The following HIVEP3 variants were observed in gnomAD, a reference collection of about 807,000 sequenced individuals.
The protein encoded by HIVEP3 is transcription factor HIVEP3.
HIVEP3 carries 49 observed loss-of-function variants against 152.8 expected under a neutral mutation model. That is an observed-to-expected ratio of 0.32 (90% CI 0.26 to 0.41). HIVEP3 has a LOEUF of 0.41. Ranked by LOEUF, HIVEP3 falls within the 10% of genes least tolerant of loss-of-function variation. The pLI, the probability that HIVEP3 is intolerant of heterozygous loss-of-function variation, is 1.00. For missense variants in HIVEP3, 2,790 were observed against 3,103.3 expected (o/e 0.90, Z 2.40); for synonymous variants, 1,269 against 1,289.0 (o/e 0.98, Z 0.33).
intron 3 of HIVEP3, among the ~76,000 whole-genome samples, chr1:41,587,313 A>G (rs573311421): frequency 1.3e-5 from 2 of 152,332 alleles, no homozygotes; most frequent in East Asian, 1.9e-4. Flanking sequence ...AGATTCTCCT[A>G]TGAGCAGTCA....
intron 1 of HIVEP3, among the ~76,000 whole-genome samples, chr1:42,029,240 T>C (rs1645599193): frequency 6.6e-6 from 1 of 152,148 alleles, no homozygotes; most frequent in African/African-American, 2.4e-5. Flanking sequence ...CAGTCCCCTT[T>C]CACAGCACCT....
rs1399539500 is a variant in HIVEP3, at chr1:41,524,853, A to T, written c.5265T>A (p.Val1755=). 4 of 1,614,194 alleles carry T rather than the reference A, an allele frequency of 2.5e-6. No individual in the cohort carries two copies. The Admixed American group carries it at 6.7e-5, about 27-fold the overall frequency. Residue 1755 remains valine, a synonymous_variant, in exon 6 of 9, where the codon GTT becomes GTA. Coordinates refer to ENST00000372583, the MANE Select transcript of HIVEP3 (RefSeq NM_024503.5). ...TGCAGCGAATTCCACACTCCTCACA[A>T]ACATATTTCCCTCGGCCGCGGCCTC... is the stretch of plus-strand genomic sequence containing the variant. ...YVRGRGRGKY[V]CEECGIRCKK... is the part of the protein sequence containing the mutation.
intron 1 of HIVEP3, among the ~76,000 whole-genome samples, chr1:41,840,071 T>C (rs984758870): frequency 2.6e-5 from 4 of 152,144 alleles, no homozygotes; most frequent in African/African-American, 4.8e-5. Context: ...CTAAACTGTT[T>C]GGGAATCCTG....
chr1:42,016,036 G>T (rs6695748), intron 1 of HIVEP3, among the ~76,000 whole-genome samples: 103,357 of 152,146 alleles, frequency 0.68, 35,756 homozygotes, highest in East Asian at 0.96. Flanking sequence ...GGCTAGTTAC[G>T]TGGGGCTGAA....
chr1:41,590,841 G>A (rs574441465), intron 3 of HIVEP3, among the ~76,000 whole-genome samples: 197 of 152,244 alleles, frequency 1.3e-3, no homozygotes, highest in African/African-American at 4.5e-3. Context: ...CATGCATGCG[G>A]CAACACAGCA....
intron 2 of HIVEP3, among the ~76,000 whole-genome samples, chr1:41,672,470 C>G (rs759503234): frequency 1.3e-5 from 2 of 152,338 alleles, no homozygotes; most frequent in East Asian, 1.9e-4. Flanking sequence ...TGCAGTCCCA[C>G]GTGCCTCTCC....
intron 1 of HIVEP3, among the ~76,000 whole-genome samples, chr1:41,743,563 G>C (rs12095621): frequency 0.064 from 9,699 of 152,232 alleles, 1,074 homozygotes; most frequent in African/African-American, 0.22. Flanking sequence ...GATGGTGGGG[G>C]AACAGCTGCC....
intron 3 of HIVEP3, among the ~76,000 whole-genome samples, chr1:41,621,726 C>G (rs1645050208): frequency 6.6e-6 from 1 of 152,142 alleles, no homozygotes; most frequent in Admixed American, 6.5e-5. Flanking sequence ...CTACCTTGCC[C>G]ATTCTAGTCT....
chr1:41,827,139 GGC>G (rs1642827724), intron 1 of HIVEP3, among the ~76,000 whole-genome samples: 1 of 152,182 alleles, frequency 6.6e-6, no homozygotes, highest in African/African-American at 2.4e-5. Context: ...GGCTGCTGAC[GGC>G]CATAATCAGG....
At chr1:42,035,647 G>T (rs1645638431) in intron 1 of HIVEP3, among the ~76,000 whole-genome samples, 2 of 151,964 alleles carry the variant, frequency 1.3e-5, no homozygotes, top group Non-Finnish European at 2.9e-5. Context: ...GGCGCCCGGA[G>T]GCGTTGGGGG....
chr1:41,622,744 C>T (rs772225783), intron 3 of HIVEP3, among the ~76,000 whole-genome samples: 6 of 152,152 alleles, frequency 3.9e-5, no homozygotes, highest in Non-Finnish European at 7.3e-5. Flanking sequence ...CTATCACTCT[C>T]GGATCATGCT....
chr1:41,611,077 G>C (rs1038357268), intron 3 of HIVEP3, among the ~76,000 whole-genome samples: 5 of 152,206 alleles, frequency 3.3e-5, no homozygotes, highest in African/African-American at 1.2e-4. Flanking sequence ...CAGGGTGTGG[G>C]GGCAGAAGGG....
intron 1 of HIVEP3, among the ~76,000 whole-genome samples, chr1:41,963,997 T>C (rs1280408125): frequency 6.6e-6 from 1 of 152,202 alleles, no homozygotes; most frequent in Non-Finnish European, 1.5e-5. Context: ...ATGGTGTCCT[T>C]CCAAGAAGAT....
chr1:41,915,717 G>A (rs749948936), intron 1 of HIVEP3, among the ~76,000 whole-genome samples: 2 of 152,140 alleles, frequency 1.3e-5, no homozygotes, highest in South Asian at 2.1e-4. Flanking sequence ...GTTACTAAAC[G>A]TATCTCATTT....
At chr1:41,571,195 G>A (rs1214935525) in intron 5 of HIVEP3, among the ~76,000 whole-genome samples, 1 of 152,194 alleles carries the variant, frequency 6.6e-6, no homozygotes, top group Non-Finnish European at 1.5e-5. Context: ...ACCCAACTGG[G>A]CTTGGTCAGC....
At chr1:41,940,287 T>C (rs1645039672) in intron 1 of HIVEP3, among the ~76,000 whole-genome samples, 1 of 152,228 alleles carries the variant, frequency 6.6e-6, no homozygotes, top group South Asian at 2.1e-4. Flanking sequence ...TTATTTGTCA[T>C]ATCAGAAATC....
intron 2 of HIVEP3, among the ~76,000 whole-genome samples, chr1:41,675,945 G>C (rs1036317222): frequency 1.2e-4 from 16 of 135,316 alleles, no homozygotes; most frequent in Non-Finnish European, 2.2e-4. Context: ...TAGGATCTTG[G>C]GGACCGGGGA....
chr1:41,699,293 A>C (rs995003398), intron 2 of HIVEP3, among the ~76,000 whole-genome samples: 1 of 152,194 alleles, frequency 6.6e-6, no homozygotes. Context: ...TCCTCAAAGG[A>C]GGGGCAGGGC....
At chr1:41,516,751 C>T (rs1445474087) in intron 7 of HIVEP3, among the ~76,000 whole-genome samples, 1 of 152,234 alleles carries the variant, frequency 6.6e-6, no homozygotes, top group Non-Finnish European at 1.5e-5. Context: ...CCCCGGGGAC[C>T]CCACACCTGC....
Sources: allele counts gnomAD v4.1 joint callset (sites outside exome capture counted in the v4.1 genomes callset), GRCh38; gene constraint gnomAD v4.1.1; transcripts MANE v1.5; gene names NCBI Gene and HGNC (gene_info 2026-07-23, HGNC 2026-07-21).